Variants in UNC79 observed in about 807,000 individuals in gnomAD.
UNC79 encodes the protein protein unc-79 homolog.
Under a neutral mutation model 283.1 loss-of-function variants are expected in UNC79, and 37 were observed. The ratio of observed to expected loss-of-function variants is 0.13; its 90% CI spans 0.10 to 0.17. UNC79 has a LOEUF of 0.17. UNC79 is among the 10% of genes least tolerant of loss of function. The pLI is 1.00. For synonymous variants in UNC79, 1,107 were observed against 1,200.2 expected (o/e 0.92, Z 1.61); for missense variants, 2,272 against 3,211.1 (o/e 0.71, Z 7.07).
chr14:93,658,115 C>G (rs1349827740), intron 38 of UNC79, among the ~76,000 whole-genome samples: 3 of 152,194 alleles, frequency 2.0e-5, no homozygotes, highest in African/African-American at 7.2e-5. Flanking sequence ...GAAATACTTT[C>G]AAAATCTGTG....
Position 93,347,265 on chromosome 14 carries a change from C to G in UNC79, c.-351+13742C>G, listed in dbSNP as rs74529920. 3.0e-3 allele frequency: 4,829 copies of G among 1,602,226 alleles called. 135 individuals carry two copies. In the African/African-American group the frequency reaches 0.058, roughly 19 times the overall value. ...ACGCCTGGCTTTGTCTCACCTGACG[C>G]GATATGCCTCTCCTGCGTGGGCGCT... On this transcript the variant is annotated intron_variant, in intron 1 of 49. Coordinates refer to the UNC79 transcript ENST00000256339.
At chr14:93,511,149 A>G (rs898882177) in intron 7 of UNC79, among the ~76,000 whole-genome samples, 2 of 152,120 alleles carry the variant, frequency 1.3e-5, no homozygotes, top group African/African-American at 4.8e-5. Context: ...CTCTCTGTGC[A>G]CTCACTCACT....
intron 40 of UNC79, among the ~76,000 whole-genome samples, chr14:93,670,100 T>C (rs2072675231): frequency 6.6e-6 from 1 of 151,958 alleles, no homozygotes; most frequent in Non-Finnish European, 1.5e-5. Flanking sequence ...GTTCGGTCCA[T>C]CTTCTGAGAC....
intron 1 of UNC79, among the ~76,000 whole-genome samples, chr14:93,401,793 C>A (rs2055112649): frequency 6.6e-6 from 1 of 152,132 alleles, no homozygotes; most frequent in South Asian, 2.1e-4. Context: ...TCCTTATCTG[C>A]TAGTATATAA....
chr14:93,491,826 C>T (rs1394838323), intron 5 of UNC79, among the ~76,000 whole-genome samples: 2 of 152,136 alleles, frequency 1.3e-5, no homozygotes, highest in East Asian at 3.9e-4. Flanking sequence ...TCTGTATCTT[C>T]ATTTGTTCAT....
chr14:93,460,057 G>A (rs1285806617), intron 1 of UNC79, among the ~76,000 whole-genome samples: 5 of 121,032 alleles, frequency 4.1e-5, no homozygotes, highest in Non-Finnish European at 8.6e-5. Flanking sequence ...GGCCGGGCGC[G>A]GTGGCTCACG....
intron 1 of UNC79, among the ~76,000 whole-genome samples, chr14:93,346,827 G>A (rs1160763996): frequency 8.5e-5 from 13 of 152,248 alleles, no homozygotes; most frequent in Admixed American, 7.2e-4. Flanking sequence ...TGGGGCTCAG[G>A]GGAGGGTGGC....
chr14:93,337,319 G>A (rs2053600085), intron 1 of UNC79, among the ~76,000 whole-genome samples: 1 of 152,206 alleles, frequency 6.6e-6, no homozygotes. Flanking sequence ...CTCTTCTTAA[G>A]TTTGTTTCCC....
intron 14 of UNC79, among the ~76,000 whole-genome samples, chr14:93,558,593 A>ATTTTTTTTTTTTTTTTTTT (rs71129647): frequency 4.8e-5 from 3 of 62,764 alleles, no homozygotes; most frequent in African/African-American, 2.2e-4. Context: ...AGAAACAGGG[A>ATTTTTTTTTTTTTTTTTTT]TTTTTTTTTT....
At chr14:93,524,850 GTTAC>G (rs1045298690) in intron 8 of UNC79, among the ~76,000 whole-genome samples, 1 of 152,208 alleles carries the variant, frequency 6.6e-6, no homozygotes, top group African/African-American at 2.4e-5. Context: ...AGAGTTCACA[GTTAC>G]TTTGGAGAAC....
intron 1 of UNC79, among the ~76,000 whole-genome samples, chr14:93,445,560 C>G (rs149400652): frequency 2.6e-5 from 4 of 152,196 alleles, no homozygotes; most frequent in African/African-American, 9.6e-5. Context: ...ATATACTGGT[C>G]TGTAGTTTTG....
intron 14 of UNC79, among the ~76,000 whole-genome samples, chr14:93,561,837 A>G (rs1483040131): frequency 7.2e-5 from 11 of 152,194 alleles, no homozygotes; most frequent in Admixed American, 7.2e-4. Context: ...CTGGCAGTAT[A>G]AACAAGAGTA....
chr14:93,560,634 G>T (rs1223674432), intron 14 of UNC79, among the ~76,000 whole-genome samples: 2 of 151,584 alleles, frequency 1.3e-5, no homozygotes, highest in Non-Finnish European at 2.9e-5. Context: ...GGGGAACAGG[G>T]AGCTCTTCGG....
rs5810632 is a variant in UNC79 at position 93,532,303 on chromosome 14, CAA to C, written c.1094-230_1094-229del. 3.3e-3 allele frequency among the ~76,000 whole-genome samples: 421 copies of C among 127,568 alleles called. 1 individual carries two copies. Among genetic ancestry groups the C allele is most frequent in the African/African-American group, 0.011 (363 of 34,162 alleles). The allele number at this position is 127,568 out of a possible 152,430, so 83.7% of individuals were successfully genotyped here. A position where few individuals can be genotyped will look rare whatever the true frequency, so the allele number is the denominator to read the frequency against. On this transcript the variant is annotated intron_variant, in intron 10 of 48. Coordinates refer to ENST00000555664, the Ensembl canonical transcript of UNC79. ...GAAACATAGTAAGACCCCATGTCTA[CAA>C]AAAAAAAAAAAAAAAATTAGCTGGG...
intron 11 of UNC79, among the ~76,000 whole-genome samples, chr14:93,534,235 C>T (rs1420124782): frequency 6.6e-6 from 1 of 152,216 alleles, no homozygotes; most frequent in Non-Finnish European, 1.5e-5. Context: ...GTTCCCTAAT[C>T]TGTTCTTGTC....
intron 7 of UNC79, among the ~76,000 whole-genome samples, chr14:93,513,541 A>G (rs2059926211): frequency 6.6e-6 from 1 of 152,214 alleles, no homozygotes; most frequent in Middle Eastern, 3.4e-3. Context: ...TTTATGGGAT[A>G]TAAAGTATCC....
chr14:93,377,353 CAA>C (rs1458670316), intron 1 of UNC79, among the ~76,000 whole-genome samples: 1 of 152,066 alleles, frequency 6.6e-6, no homozygotes, highest in African/African-American at 2.4e-5. Flanking sequence ...CTCGGCCTCC[CAA>C]AGTGCTGGGA....
chr14:93,396,767 A>ATGTGTGTGTGTGTGTGTGTG (rs1413500764), intron 1 of UNC79, among the ~76,000 whole-genome samples: 14 of 76,512 alleles, frequency 1.8e-4, no homozygotes, highest in African/African-American at 4.6e-4. Flanking sequence ...TGCAAAGGGC[A>ATGTGTGTGTGTGTGTGTGTG]TGTGTGTGTA....
chr14:93,455,913 TG>T lies in UNC79; in HGVS notation c.23-11757del, dbSNP rs35967927. Among the ~76,000 whole-genome samples, 10 of 59,578 alleles carry T rather than the reference TG, an allele frequency of 1.7e-4. No individual in the cohort carries two copies. In the East Asian group the frequency reaches 7.7e-3, roughly 46 times the overall value. 39.1% of individuals were successfully genotyped at this position (59,578 alleles called of 152,430 possible). A position where few individuals can be genotyped will look rare whatever the true frequency, so the allele number is the denominator to read the frequency against. On this transcript the variant is annotated intron_variant, in intron 1 of 48. Coordinates refer to ENST00000555664, the Ensembl canonical transcript of UNC79. ...TGTTTTTCCCATCAGTACAATGGAT[TG>T]TGTGTGTGTGTGTGTGTGTGTGTGT...
Sources: gnomAD v4.1 joint callset for allele counts (sites outside exome capture counted in the v4.1 genomes callset) on GRCh38, gnomAD v4.1.1 for gene constraint, MANE v1.5 for transcripts, NCBI Gene and HGNC (gene_info 2026-07-23, HGNC 2026-07-21) for gene names.